Variants in EMX2 observed in about 807,000 individuals in gnomAD.
EMX2 encodes homeobox protein EMX2.
EMX2 carries 6 observed loss-of-function variants against 23.0 expected under a neutral mutation model. The ratio of observed to expected loss-of-function variants is 0.26; its 90% CI spans 0.14 to 0.52. EMX2 has a LOEUF of 0.52. EMX2 is among the 20% of genes least tolerant of loss of function. The probability of loss-of-function intolerance (pLI) is 0.97; values close to 1 mark genes in which losing one functional copy is unlikely to be tolerated. For synonymous variants in EMX2, 175 were observed against 153.3 expected, an observed-to-expected ratio of 1.14 and a Z score of -1.04; for missense variants, 302 against 341.4, an observed-to-expected ratio of 0.88 and a Z score of 0.91.
chr10:117,546,017 C>G (rs1846574036), intron 2 of EMX2, among the ~76,000 whole-genome samples: 1 of 152,230 alleles, frequency 6.6e-6, no homozygotes, highest in East Asian at 1.9e-4. Flanking sequence ...AAGTGCCAAT[C>G]TGCCCCAGGT....
chr10:117,545,602 C>T (rs749970557), intron 1 of EMX2, 30 bp from the exon 2 acceptor site: 36 of 1,613,498 alleles, frequency 2.2e-5, no homozygotes, highest in South Asian at 1.1e-4. Flanking sequence ...GCAGCCCCCC[C>T]TAATGGGATT....
rs561311899 is a variant in EMX2, at chr10:117,548,722, T to A, written c.*490T>A. 2.7e-5 allele frequency: 11 copies of A among 410,236 alleles called. No individual in the cohort carries two copies. The highest frequency in any genetic ancestry group is 4.7e-5 in the Non-Finnish European group (11 of 232,642). The allele number at this position is 410,236 out of a possible 1,614,324, so 25.4% of individuals were successfully genotyped here. A position where few individuals can be genotyped will look rare whatever the true frequency, so the allele number is the denominator to read the frequency against. The stretch of plus-strand genomic sequence containing the variant: ...ACGACCCAACCAGGCACAGGACTTT[T>A]TTGTTTTTTGCACTTCGCTGTGTTT... On this transcript the variant is annotated 3_prime_UTR_variant, in exon 3 of 3. Coordinates refer to ENST00000553456, the MANE Select transcript of EMX2 (RefSeq NM_004098.4).
chr10:117,543,603 G>A lies in EMX2; in HGVS notation c.336G>A (p.Gln112=). 1.2e-6 allele frequency: 2 copies of A among 1,613,148 alleles called. No homozygotes were observed. Among genetic ancestry groups the A allele is most frequent in the Non-Finnish European group, 8.5e-7 (1 of 1,179,680 alleles). ...SHSPHPLFAS[Q]QRDPSTFYPW... is the part of the protein sequence containing the mutation. ...CGCCACACCCCCTATTCGCCTCGCA[G>A]CAGCGGGATCCGTCCACCTTCTACC... Residue 112 remains glutamine, a synonymous_variant, in exon 1 of 3, where the codon CAG becomes CAA. Coordinates refer to ENST00000553456, the MANE Select transcript of EMX2 (RefSeq NM_004098.4).
At chr10:117,546,735 C>A (rs1429261272) in intron 2 of EMX2, among the ~76,000 whole-genome samples, 1 of 152,222 alleles carries the variant, frequency 6.6e-6, no homozygotes, top group Non-Finnish European at 1.5e-5. Context: ...TCTTTGTGTG[C>A]GTGTCAAGCC....
In EMX2 at chr10:117,548,085, C is replaced by T; in HGVS notation, c.612C>T (p.Asn204=). ...TETQVKVWFQ[N]RRTKFKRQKL... Reference sequence around the variant, plus strand: ...CGCAGGTAAAAGTATGGTTTCAGAACCGAAGAACAAAGTTCAAAAGGCAGA... The same window carrying T: ...CGCAGGTAAAAGTATGGTTTCAGAATCGAAGAACAAAGTTCAAAAGGCAGA... Residue 204 remains asparagine (N), a synonymous_variant, in exon 3 of 3, where the codon AAC becomes AAT. Transcript: ENST00000553456. The T allele has an allele frequency of 1.9e-6, 3 of 1,612,480 alleles. No homozygotes were observed. The highest frequency in any genetic ancestry group is 2.5e-6 in the Non-Finnish European group (3 of 1,179,304).
At chr10:117,546,748 G>A (rs1020629107) in intron 2 of EMX2, among the ~76,000 whole-genome samples, 2 of 152,240 alleles carry the variant, frequency 1.3e-5, no homozygotes, top group African/African-American at 4.8e-5. Flanking sequence ...GTCAAGCCCC[G>A]AGCGCACCGA....
At chr10:117,545,551 G>C (rs888792305) in intron 1 of EMX2, 81 bp from the exon 2 acceptor site, 6 of 1,577,576 alleles carry the variant, frequency 3.8e-6, no homozygotes, top group Non-Finnish European at 4.3e-6. Context: ...GCACGGTGCC[G>C]GGCCAGCCCG....
At chr10:117,544,802 A>G (rs1846551743) in intron 1 of EMX2, 1 of 152,192 alleles carries the variant, frequency 6.6e-6, no homozygotes, top group African/African-American at 2.4e-5. Flanking sequence ...TCGATTTCCT[A>G]TGCTAATGAG....
chr10:117,547,083 T>C (rs575405570), intron 2 of EMX2, among the ~76,000 whole-genome samples: 4 of 152,308 alleles, frequency 2.6e-5, no homozygotes, highest in Non-Finnish European at 4.4e-5. Flanking sequence ...TTGGACTGTG[T>C]TACTGTCTGG....
At chr10:117,548,019 G>T (rs1346127529) in intron 2 of EMX2, 46 bp from the exon 3 acceptor site, 5 of 1,575,282 alleles carry the variant, frequency 3.2e-6, no homozygotes, top group Middle Eastern at 1.7e-4. Context: ...TTGATAGAAG[G>T]GTGCTCTGAA....
In EMX2 at chr10:117,542,971, C is replaced by T. The variant is rs1432889222; in HGVS notation, c.-297C>T. 1 of 328,366 alleles carries T rather than the reference C, an allele frequency of 3.0e-6. No individual in the cohort carries two copies. The highest frequency in any genetic ancestry group is 5.4e-6 in the Non-Finnish European group (1 of 184,396). The allele number at this position is 328,366 out of a possible 1,614,324, so 20.3% of individuals were successfully genotyped here. ...AAGAAAAAAAAAGAAAAAAAATTAC[C>T]CCAATCCACGCCTGCAAATTCTTCT... On this transcript the variant is annotated 5_prime_UTR_variant, in exon 1 of 3. Transcript: ENST00000553456.
chr10:117,544,232 C>G (rs1275671130), intron 1 of EMX2: 1 of 166,170 alleles, frequency 6.0e-6, no homozygotes, highest in East Asian at 1.7e-4. Flanking sequence ...TTCTTTCCTG[C>G]TTTTCGGAGG....
chr10:117,543,262 C>G lies in EMX2; in HGVS notation c.-6C>G, dbSNP rs1471506934. The G allele has an allele frequency of 6.5e-7, 1 of 1,545,652 alleles. No individual in the cohort carries two copies. Among genetic ancestry groups the G allele is most frequent in the Non-Finnish European group, 8.7e-7 (1 of 1,145,334 alleles). ...GGAGCCCAGGGCGCCCGCTCCTCGG[C>G]GCAGCATGTTCCAGCCGGCGCCCAA... On this transcript the variant is annotated 5_prime_UTR_variant, in exon 1 of 3. Transcript: ENST00000553456.
chr10:117,548,319 A>G lies in EMX2; in HGVS notation c.*87A>G. ...AGAAGGAAAAAACCCTACAAAACAA[A>G]AACAAACCGCATACACGTTCACCGA... On this transcript the variant is annotated 3_prime_UTR_variant, in exon 3 of 3. Transcript: ENST00000553456. 1 of 1,531,082 alleles carries G rather than the reference A, an allele frequency of 6.5e-7. No homozygotes were observed. The allele number at this position is 1,531,082 out of a possible 1,614,324, so 94.8% of individuals were successfully genotyped here. A position where few individuals can be genotyped will look rare whatever the true frequency, so the allele number is the denominator to read the frequency against.
chr10:117,546,360 G>A (rs1487997192), intron 2 of EMX2, among the ~76,000 whole-genome samples: 1 of 152,264 alleles, frequency 6.6e-6, no homozygotes, highest in East Asian at 1.9e-4. Flanking sequence ...GCTGCAGAGA[G>A]GGTCTGCCTC....
intron 2 of EMX2, among the ~76,000 whole-genome samples, chr10:117,547,605 C>T (rs1226561817): frequency 4.6e-5 from 7 of 152,222 alleles, no homozygotes; most frequent in Non-Finnish European, 1.0e-4. Flanking sequence ...AAATAGAAAG[C>T]ACATTGGGCC....
At chr10:117,544,880 T>C (rs1029536289) in intron 1 of EMX2, 3 of 152,272 alleles carry the variant, frequency 2.0e-5, no homozygotes, top group African/African-American at 7.2e-5. Flanking sequence ...CTATCAGTCA[T>C]GCTTATGGTC....
At position 117,549,062 on chromosome 10, in the gene EMX2, GA is replaced by G. The variant is rs1450721740; in HGVS notation, c.*831del. The G allele has an allele frequency of 2.0e-5, 3 of 146,562 alleles. No homozygotes were observed. Among genetic ancestry groups the G allele is most frequent in the African/African-American group, 7.7e-5 (3 of 38,852 alleles). 9.1% of individuals were successfully genotyped at this position (146,562 alleles called of 1,614,324 possible). On this transcript the variant is annotated 3_prime_UTR_variant, in exon 3 of 3. Transcript: ENST00000553456. ...CTTACAGAGAAACGGGGAGCAGGAC[GA>G]CGGGGGGGCTGGGGGTGGCGGGGGA...
chr10:117,546,900 A>C (rs1470165600), intron 2 of EMX2, among the ~76,000 whole-genome samples: 1 of 152,260 alleles, frequency 6.6e-6, no homozygotes, highest in Admixed American at 6.5e-5. Context: ...CCGGGAGAGC[A>C]AGACGGACCG....
Sources: gnomAD v4.1 joint callset for allele counts (sites outside exome capture counted in the v4.1 genomes callset) on GRCh38, gnomAD v4.1.1 for gene constraint, MANE v1.5 for transcripts, NCBI Gene and HGNC (gene_info 2026-07-23, HGNC 2026-07-21) for gene names.